The following MYLK variants were observed in gnomAD, a reference collection of about 807,000 sequenced individuals.
MYLK encodes myosin light chain kinase, smooth muscle.
MYLK carries 106 observed loss-of-function variants against 203.4 expected under a neutral mutation model. The ratio of observed to expected loss-of-function variants is 0.52; its 90% CI spans 0.45 to 0.61. MYLK has a LOEUF of 0.61. MYLK is among the 20% of genes least tolerant of loss of function. The probability of loss-of-function intolerance (pLI) is 0.00; values close to 1 mark genes in which losing one functional copy is unlikely to be tolerated. For synonymous variants in MYLK, 867 were observed against 959.5 expected (o/e 0.90, Z 1.78); for missense variants, 2,072 against 2,442.3 (o/e 0.85, Z 3.20).
At chr3:123,704,372 T>A (rs1288847877) in intron 16 of MYLK, among the ~76,000 whole-genome samples, 3 of 152,210 alleles carry the variant, frequency 2.0e-5, no homozygotes. Context: ...ATCTTTGACA[T>A]CTGCACATAA....
Position 123,613,369 on chromosome 3 carries a change from A to ATGTC in MYLK, c.*732_*735dup, listed in dbSNP as rs1457035030. 4 of 152,278 alleles carry ATGTC rather than the reference A, an allele frequency of 2.6e-5. No homozygotes were observed. The allele number at this position is 152,278 out of a possible 1,614,324, so 9.4% of individuals were successfully genotyped here. On this transcript the variant is annotated 3_prime_UTR_variant, in exon 34 of 34. Transcript: ENST00000360304. ...TTTTTTCCCATGGGTTCTTAACCAA[A>ATGTC]TGTCTGAAGCTGCTAGACATCTGCA...
At chr3:123,737,326 G>T in intron 8 of MYLK, 52 bp downstream of exon 8, 1 of 1,612,736 alleles carries the variant, frequency 6.2e-7, no homozygotes, top group Non-Finnish European at 8.5e-7. Context: ...CCTCTAGGAG[G>T]GTGCGGCACC....
intron 13 of MYLK, among the ~76,000 whole-genome samples, chr3:123,720,699 G>T (rs1052085642): frequency 3.3e-5 from 5 of 152,232 alleles, no homozygotes; most frequent in African/African-American, 4.8e-5. Context: ...CAAATTCCCA[G>T]AGGCCAGAGC....
At chr3:123,723,225 T>C (rs1424469967) in intron 12 of MYLK, among the ~76,000 whole-genome samples, 3 of 152,174 alleles carry the variant, frequency 2.0e-5, no homozygotes, top group Non-Finnish European at 4.4e-5. Context: ...AGGGAGACAG[T>C]ACAGAAAGAA....
chr3:123,823,971 T>A (rs2066025021), intron 3 of MYLK, among the ~76,000 whole-genome samples: 1 of 152,330 alleles, frequency 6.6e-6, no homozygotes, highest in Non-Finnish European at 1.5e-5. Context: ...TATTTTATTG[T>A]TTTCTGCTTA....
chr3:123,821,443 A>G lies in MYLK; in HGVS notation c.-4+10105T>C, dbSNP rs543699120. Among the ~76,000 whole-genome samples the G allele has an allele frequency of 4.3e-4, 65 of 152,342 alleles. 1 individual carries two copies. The South Asian group carries it at 0.012, about 27-fold the overall frequency. On this transcript the variant is annotated intron_variant, in intron 3 of 33. Transcript: ENST00000360304. ...ATCTTAACATAGTTTTAGCAGTAAG[A>G]ATGAATTTTATCAGGCCCCATGATC...
chr3:123,805,654 C>G (rs2109192938), intron 3 of MYLK, among the ~76,000 whole-genome samples: 1 of 152,310 alleles, frequency 6.6e-6, no homozygotes, highest in Non-Finnish European at 1.5e-5. Context: ...AGAGGAAGCA[C>G]AGTGGTGACT....
At chr3:123,740,077 GGGGT>G in intron 5 of MYLK, 76 bp from the exon 6 acceptor site, 1 of 1,422,042 alleles carries the variant, frequency 7.0e-7, no homozygotes, top group Non-Finnish European at 9.9e-7. Context: ...TTCAACAGCA[GGGGT>G]GGGTGGGATA....
chr3:123,730,479 C>G (rs571317645), intron 11 of MYLK, among the ~76,000 whole-genome samples: 17 of 152,260 alleles, frequency 1.1e-4, no homozygotes, highest in African/African-American at 3.8e-4. Flanking sequence ...TTCACCATAG[C>G]TAAAAAGTAG....
chr3:123,667,041 T>C (rs113092543), intron 21 of MYLK, 96 bp downstream of exon 21: 44 of 1,168,720 alleles, frequency 3.8e-5, no homozygotes, highest in African/African-American at 2.9e-4. Context: ...GGGTGTCTCC[T>C]GGGATCACAT....
intron 29 of MYLK, among the ~76,000 whole-genome samples, chr3:123,632,060 C>T (rs1227729621): frequency 1.3e-5 from 2 of 151,978 alleles, no homozygotes; most frequent in Non-Finnish European, 2.9e-5. Context: ...TTAGTAGAGA[C>T]GGGGTTTCAC....
At chr3:123,695,895 A>C (rs1279058798) in intron 18 of MYLK, among the ~76,000 whole-genome samples, 1 of 152,172 alleles carries the variant, frequency 6.6e-6, no homozygotes, top group Non-Finnish European at 1.5e-5. Flanking sequence ...TCGGCCTCCC[A>C]CCACCCCTCA....
intron 5 of MYLK, among the ~76,000 whole-genome samples, chr3:123,752,073 G>T (rs1226663816): frequency 6.6e-6 from 1 of 152,088 alleles, no homozygotes; most frequent in East Asian, 1.9e-4. Context: ...TTCAGCTGCA[G>T]TGTGAGGGGA....
rs2058865843 is a variant in MYLK, at chr3:123,642,359, C to G, written c.4620-1855G>C. 6.6e-6 allele frequency among the ~76,000 whole-genome samples: 1 copy of G among 152,178 alleles called. No homozygotes were observed. The highest frequency in any genetic ancestry group is 1.5e-5 in the Non-Finnish European group (1 of 68,046). On this transcript the variant is annotated intron_variant, in intron 27 of 33. Coordinates refer to ENST00000360304, the MANE Select transcript of MYLK (RefSeq NM_053025.4). This position sits in a 1 kb window ranked among gnomAD's most constrained non-coding sequence, Gnocchi z 4.2. ...CCTAACACACAGAAGGTGCTCAACA[C>G]TTATTACTTATCGTTTGATAAGCTG... is the stretch of plus-strand genomic sequence containing the variant.
intron 11 of MYLK, among the ~76,000 whole-genome samples, chr3:123,732,026 GA>G (rs2062497746): frequency 1.4e-5 from 2 of 144,872 alleles, no homozygotes; most frequent in African/African-American, 2.6e-5. Flanking sequence ...TTTGTATGTG[GA>G]AAAAAAATGG....
At position 123,610,354 on chromosome 3, in the gene MYLK, C is replaced by G. The variant is rs919379049; in HGVS notation, c.*3751G>C. On this transcript the variant is annotated 3_prime_UTR_variant, in exon 34 of 34. Transcript: ENST00000360304. ...AGGTTATGTTGCAGCCACTGAGAAC[C>G]CCAAAATCTTGGTGATTTATAAGAA... is the stretch of plus-strand genomic sequence containing the variant. The G allele has an allele frequency of 3.3e-5, 5 of 152,136 alleles. No homozygotes were observed. The highest frequency in any genetic ancestry group is 1.2e-4 in the African/African-American group (5 of 41,424). 9.4% of individuals were successfully genotyped at this position (152,136 alleles called of 1,614,324 possible).
intron 4 of MYLK, among the ~76,000 whole-genome samples, chr3:123,774,534 C>T (rs548343610): frequency 1.1e-4 from 16 of 152,258 alleles, no homozygotes; most frequent in African/African-American, 3.4e-4. Flanking sequence ...TACACAAGGT[C>T]CCCAGATTCA....
chr3:123,709,003 C>T, intron 14 of MYLK, 108 bp from the exon 15 acceptor site: 1 of 900,382 alleles, frequency 1.1e-6, no homozygotes, highest in East Asian at 2.5e-5. Context: ...CAACAACTCT[C>T]TATGCTTTCA....
intron 5 of MYLK, among the ~76,000 whole-genome samples, chr3:123,748,087 G>A (rs1396876773): frequency 1.3e-5 from 2 of 152,216 alleles, no homozygotes; most frequent in African/African-American, 4.8e-5. Flanking sequence ...AAGAAGCATG[G>A]CACCAGTATC....
Sources: allele counts gnomAD v4.1 joint callset (sites outside exome capture counted in the v4.1 genomes callset), GRCh38; gene constraint gnomAD v4.1.1; non-coding constraint Gnocchi (gnomAD v3.1); transcripts MANE v1.5; gene names NCBI Gene and HGNC (gene_info 2026-07-23, HGNC 2026-07-21).